The following SEMA6A variants were observed in gnomAD, a reference collection of about 807,000 sequenced individuals.
SEMA6A encodes semaphorin 6A.
In SEMA6A, 25 loss-of-function variants were observed where a neutral mutation model predicts 96.8. The observed-to-expected ratio is 0.26, with a 90% CI of 0.19 to 0.36. SEMA6A has a LOEUF of 0.36. Ranked by LOEUF, SEMA6A falls within the 10% of genes least tolerant of loss-of-function variation. The pLI is 1.00. For synonymous variants in SEMA6A, 612 were observed against 518.0 expected, an observed-to-expected ratio of 1.18 and a Z score of -2.46; for missense variants, 1,363 against 1,323.1, an observed-to-expected ratio of 1.03 and a Z score of -0.47.
chr5:116,464,706 G>T (rs1226896886), intron 18 of SEMA6A, among the ~76,000 whole-genome samples: 1 of 152,194 alleles, frequency 6.6e-6, no homozygotes, highest in Non-Finnish European at 1.5e-5. Flanking sequence ...TCGACAGAAT[G>T]TGAGGGACGC....
intron 9 of SEMA6A, among the ~76,000 whole-genome samples, chr5:116,487,830 C>G (rs1240874167): frequency 1.3e-5 from 2 of 152,140 alleles, no homozygotes; most frequent in African/African-American, 4.8e-5. Flanking sequence ...TACCACTGCA[C>G]TCCAGCCTGG....
rs1755872903 is a variant in SEMA6A at position 116,467,912 on chromosome 5, G to A, written c.1730-165C>T. ...TGGTGGTGGTGGTGGTGGTGGTGGT[G>A]GTGTGGGGTGTGTTCAGCAGAAAGC... On this transcript the variant is annotated intron_variant, in intron 17 of 18. Coordinates refer to ENST00000343348, the MANE Select transcript of SEMA6A (RefSeq NM_020796.5). The A allele has an allele frequency of 6.1e-6, 4 of 657,114 alleles. No homozygotes were observed. The South Asian group carries it at 7.6e-5, about 12-fold the overall frequency. 40.7% of individuals were successfully genotyped at this position (657,114 alleles called of 1,614,324 possible). A position where few individuals can be genotyped will look rare whatever the true frequency, so the allele number is the denominator to read the frequency against.
chr5:116,565,142 A>ATT (rs534998197), intron 1 of SEMA6A, among the ~76,000 whole-genome samples: 2 of 151,900 alleles, frequency 1.3e-5, no homozygotes, highest in African/African-American at 4.8e-5. Flanking sequence ...TTATTTATTT[A>ATT]TTTTTTTTGC....
chr5:116,456,223 G>T (rs1755004767), intron 18 of SEMA6A, among the ~76,000 whole-genome samples: 1 of 152,156 alleles, frequency 6.6e-6, no homozygotes, highest in Non-Finnish European at 1.5e-5. Flanking sequence ...ACATCACCTG[G>T]AACTAATTAG....
At chr5:116,552,369 C>G (rs1440190592) in intron 1 of SEMA6A, among the ~76,000 whole-genome samples, 1 of 152,010 alleles carries the variant, frequency 6.6e-6, no homozygotes, top group African/African-American at 2.4e-5. Context: ...GGGAGAAGTT[C>G]TATTTTTCCA....
At position 116,446,275 on chromosome 5, in the gene SEMA6A, TGTGTGTGTGTGG is replaced by T; in HGVS notation, c.*326_*337del. 1 of 217,512 alleles carries T rather than the reference TGTGTGTGTGTGG, an allele frequency of 4.6e-6. No homozygotes were observed. The highest frequency in any genetic ancestry group is 9.9e-5 in the East Asian group (1 of 10,118). 13.5% of individuals were successfully genotyped at this position (217,512 alleles called of 1,614,324 possible). A position where few individuals can be genotyped will look rare whatever the true frequency, so the allele number is the denominator to read the frequency against. On this transcript the variant is annotated 3_prime_UTR_variant, in exon 19 of 19. Transcript: ENST00000343348. ...TATGTGTTGTGTGCATGTGTGTGTG[TGTGTGTGTGTGG>T]GGGTGGGGGATGGGGTAGGTATGTG...
Position 116,488,143 on chromosome 5 carries a change from T to C in SEMA6A, c.709A>G (p.Arg237Gly), listed in dbSNP as rs1369491933. 4.3e-6 allele frequency: 7 copies of C among 1,612,294 alleles called. No individual in the cohort carries two copies. In the East Asian group the frequency reaches 1.3e-4, roughly 31 times the overall value. ...DYGDYIYFFF[R>G]EIAVEYNTMG... ...GTGTTATACTCCACTGCTATTTCCC[T>C]GAAGAAGAAGTAGATATAATCTCCG... Residue 237 changes from arginine (R) to glycine (G), a missense_variant, in exon 9 of 19, where the codon AGG (arginine) becomes GGG (glycine). Around this residue, in one of 2 missense-constraint regions of SEMA6A, gnomAD observed 480 missense variants for 559.5 expected, o/e 0.86. Coordinates refer to ENST00000343348, the MANE Select transcript of SEMA6A (RefSeq NM_020796.5).
At chr5:116,542,519 C>G (rs1369605528) in intron 1 of SEMA6A, among the ~76,000 whole-genome samples, 2 of 152,130 alleles carry the variant, frequency 1.3e-5, no homozygotes, top group Admixed American at 1.3e-4. Flanking sequence ...CTGTCATTTA[C>G]TTTAGACTGC....
rs1485224824 is a variant in SEMA6A, at chr5:116,574,171, C to A, written c.-39+14G>T. 1 of 149,678 alleles carries A rather than the reference C, an allele frequency of 6.7e-6. No individual in the cohort carries two copies. The highest frequency in any genetic ancestry group is 2.5e-5 in the African/African-American group (1 of 40,476). 9.3% of individuals were successfully genotyped at this position (149,678 alleles called of 1,614,324 possible). On this transcript the variant is annotated intron_variant, in intron 1 of 18. Transcript: ENST00000343348. ...GCCCGGGAGGTGGGGCGCGCCCGGG[C>A]GCCCGGGGCGTACCTTTTCGGTGCA...
At chr5:116,524,814 G>C (rs994244982) in intron 1 of SEMA6A, among the ~76,000 whole-genome samples, 1 of 19,082 alleles carries the variant, frequency 5.2e-5, no homozygotes, top group Non-Finnish European at 1.9e-4. Flanking sequence ...ACAATTTTTA[G>C]AGCTTATTCT....
At chr5:116,512,365 CCTT>C (rs1488040306) in intron 1 of SEMA6A, among the ~76,000 whole-genome samples, 2 of 152,164 alleles carry the variant, frequency 1.3e-5, no homozygotes, top group Admixed American at 6.6e-5. Flanking sequence ...TTTCTTTCCT[CCTT>C]CTCTCAGCCA....
intron 1 of SEMA6A, among the ~76,000 whole-genome samples, chr5:116,570,661 ATCTAGTTCTAAAAAAACTT>A (rs955190199): frequency 3.9e-5 from 6 of 152,234 alleles, no homozygotes; most frequent in Non-Finnish European, 8.8e-5. Context: ...GCTCTTGGCA[ATCTAGTTCTAAAAAAACTT>A]TCATCCCATC....
chr5:116,569,516 T>TA (rs56769846), intron 1 of SEMA6A, among the ~76,000 whole-genome samples: 124 of 150,312 alleles, frequency 8.2e-4, no homozygotes, highest in African/African-American at 2.3e-3. Context: ...TGGTTTAGTT[T>TA]AAAAAAAAAA....
chr5:116,533,124 A>C (rs1285574917), intron 1 of SEMA6A, among the ~76,000 whole-genome samples: 3 of 152,202 alleles, frequency 2.0e-5, no homozygotes, highest in Non-Finnish European at 4.4e-5. Flanking sequence ...GTTAATTCAA[A>C]CTATGCAAAG....
At chr5:116,556,592 A>G (rs1229986720) in intron 1 of SEMA6A, among the ~76,000 whole-genome samples, 1 of 152,198 alleles carries the variant, frequency 6.6e-6, no homozygotes, top group Non-Finnish European at 1.5e-5. Context: ...GATGTTAAGT[A>G]ATGTTCCCAA....
intron 1 of SEMA6A, chr5:116,507,958 T>A (rs1758226503): frequency 6.6e-6 from 1 of 152,206 alleles, no homozygotes; most frequent in Non-Finnish European, 1.5e-5. Context: ...CTTGGTGAAT[T>A]TGTCAGGTCT....
At chr5:116,497,172 C>A (rs1397627693) in intron 4 of SEMA6A, among the ~76,000 whole-genome samples, 155 bp downstream of exon 4, 2 of 152,160 alleles carry the variant, frequency 1.3e-5, no homozygotes, top group Non-Finnish European at 2.9e-5. Flanking sequence ...TGTATCAAAT[C>A]CTAACCTATT....
chr5:116,481,951 G>C (rs149916713), intron 11 of SEMA6A, among the ~76,000 whole-genome samples: 2 of 152,110 alleles, frequency 1.3e-5, no homozygotes, highest in African/African-American at 4.8e-5. Context: ...CACTGTACCC[G>C]CTGGATTCTT....
At chr5:116,564,771 G>A (rs553258120) in intron 1 of SEMA6A, among the ~76,000 whole-genome samples, 42 of 152,184 alleles carry the variant, frequency 2.8e-4, no homozygotes, top group African/African-American at 6.7e-4. Flanking sequence ...TACTATTCAC[G>A]AGTTGACAAA....
Sources: gnomAD v4.1 joint callset for allele counts (sites outside exome capture counted in the v4.1 genomes callset) on GRCh38, gnomAD v4.1.1 for gene constraint, gnomAD v4.1.1 regional missense constraint, MANE v1.5 for transcripts, NCBI Gene and HGNC (gene_info 2026-07-23, HGNC 2026-07-21) for gene names.